Variants in TENM4 observed in about 807,000 individuals in gnomAD.
TENM4 encodes the protein teneurin transmembrane protein 4.
TENM4 carries 82 observed loss-of-function variants against 243.3 expected under a neutral mutation model. That is an observed-to-expected ratio of 0.34 (90% CI 0.28 to 0.40). TENM4 has a LOEUF of 0.40. Ranked by LOEUF, TENM4 falls within the 10% of genes least tolerant of loss-of-function variation. TENM4 has a pLI of 1.00. For synonymous variants in TENM4, 1,412 were observed against 1,456.3 expected, an observed-to-expected ratio of 0.97 and a Z score of 0.69; for missense variants, 3,138 against 3,673.3, an observed-to-expected ratio of 0.85 and a Z score of 3.77.
At chr11:78,936,423 C>A (rs913848869) in intron 6 of TENM4, among the ~76,000 whole-genome samples, 1 of 152,212 alleles carries the variant, frequency 6.6e-6, no homozygotes, top group Non-Finnish European at 1.5e-5. Context: ...GTGCAATTAA[C>A]TCCTTAACTA....
At chr11:79,006,013 A>C (rs957245276) in intron 6 of TENM4, among the ~76,000 whole-genome samples, 2 of 152,208 alleles carry the variant, frequency 1.3e-5, no homozygotes, top group Non-Finnish European at 2.9e-5. Flanking sequence ...TTTTTTCACC[A>C]CAACAGAATT....
At chr11:79,422,508 A>G (rs1858956452) in intron 1 of TENM4, among the ~76,000 whole-genome samples, 2 of 152,108 alleles carry the variant, frequency 1.3e-5, no homozygotes, top group Admixed American at 6.5e-5. Flanking sequence ...GATACCTAAG[A>G]ATGTCATTCC....
intron 28 of TENM4, 69 bp downstream of exon 28, chr11:78,701,457 C>T: frequency 6.8e-7 from 1 of 1,472,022 alleles, no homozygotes; most frequent in Non-Finnish European, 9.1e-7. Context: ...AATACTCGAT[C>T]AATTTACCTC....
At chr11:79,113,509 T>C (rs1861553087) in intron 4 of TENM4, among the ~76,000 whole-genome samples, 1 of 151,848 alleles carries the variant, frequency 6.6e-6, no homozygotes, top group Non-Finnish European at 1.5e-5. Context: ...CACAACACTC[T>C]GTAATTACAA....
chr11:78,878,233 G>C (rs1035067373), intron 9 of TENM4, among the ~76,000 whole-genome samples: 1 of 151,954 alleles, frequency 6.6e-6, no homozygotes, highest in Non-Finnish European at 1.5e-5. Flanking sequence ...TTCTTTCCTT[G>C]AACAAACTTT....
intron 28 of TENM4, 49 bp from the exon 29 acceptor site, chr11:78,688,275 A>G: frequency 1.9e-6 from 3 of 1,569,458 alleles, no homozygotes; most frequent in Non-Finnish European, 2.6e-6. Context: ...ATGGTGCTCT[A>G]GCTGGAACTT....
At position 78,657,161 on chromosome 11, in the gene TENM4, C is replaced by G; in HGVS notation, c.*897G>C. 1 of 398,730 alleles carries G rather than the reference C, an allele frequency of 2.5e-6. No individual in the cohort carries two copies. Among genetic ancestry groups the G allele is most frequent in the Non-Finnish European group, 4.4e-6 (1 of 226,156 alleles). 24.7% of individuals were successfully genotyped at this position (398,730 alleles called of 1,614,324 possible). A position where few individuals can be genotyped will look rare whatever the true frequency, so the allele number is the denominator to read the frequency against. ...AGGCTTGCTGTGCAGTGCTCGTTCTCACATCTGGCTTTGGGAGAAAGGAGG... is the reference window on the plus strand; with the variant it reads ...AGGCTTGCTGTGCAGTGCTCGTTCTGACATCTGGCTTTGGGAGAAAGGAGG... On this transcript the variant is annotated 3_prime_UTR_variant, in exon 34 of 34. Coordinates refer to ENST00000278550, the MANE Select transcript of TENM4 (RefSeq NM_001098816.3).
intron 1 of TENM4, among the ~76,000 whole-genome samples, chr11:79,343,624 T>C (rs1014695693): frequency 2.6e-5 from 4 of 151,874 alleles, no homozygotes; most frequent in Non-Finnish European, 5.9e-5. Flanking sequence ...ATGCTTAATA[T>C]GGTCTAAAGA....
chr11:78,922,999 G>C (rs1480640621), intron 6 of TENM4, among the ~76,000 whole-genome samples: 1 of 152,082 alleles, frequency 6.6e-6, no homozygotes, highest in Non-Finnish European at 1.5e-5. Flanking sequence ...TTTTTTCCTG[G>C]AGTACCTCTC....
At chr11:78,980,878 A>G (rs1857777295) in intron 6 of TENM4, among the ~76,000 whole-genome samples, 1 of 152,130 alleles carries the variant, frequency 6.6e-6, no homozygotes, top group East Asian at 1.9e-4. Flanking sequence ...TTTAATTCCC[A>G]CAGAAACCTT....
chr11:79,037,569 G>A (rs1859419541), intron 6 of TENM4, among the ~76,000 whole-genome samples: 1 of 152,118 alleles, frequency 6.6e-6, no homozygotes, highest in South Asian at 2.1e-4. Context: ...ATTTTTTTAA[G>A]CTGTTGGTTA....
intron 1 of TENM4, among the ~76,000 whole-genome samples, chr11:79,380,050 G>A (rs1005307126): frequency 6.6e-6 from 1 of 152,164 alleles, no homozygotes; most frequent in Non-Finnish European, 1.5e-5. Flanking sequence ...GGCAGGGCTG[G>A]TGGGGCAGAG....
At chr11:79,138,754 A>G (rs1225020341) in intron 4 of TENM4, among the ~76,000 whole-genome samples, 2 of 112,444 alleles carry the variant, frequency 1.8e-5, no homozygotes, top group Non-Finnish European at 3.3e-5. Context: ...CATACATTAT[A>G]TTTATATAAA....
intron 1 of TENM4, among the ~76,000 whole-genome samples, chr11:79,333,208 T>C (rs1259114258): frequency 1.3e-5 from 2 of 151,730 alleles, no homozygotes; most frequent in Non-Finnish European, 2.9e-5. Context: ...ACAAGGTCTG[T>C]CAGATTTCAT....
Position 78,890,656 on chromosome 11 carries a change from C to T in TENM4, c.848+582G>A, listed in dbSNP as rs1855642441. Among the ~76,000 whole-genome samples, 4 of 152,220 alleles carry T rather than the reference C, an allele frequency of 2.6e-5. No individual in the cohort carries two copies. The South Asian group carries it at 8.3e-4, about 32-fold the overall frequency. On this transcript the variant is annotated intron_variant, in intron 8 of 33. Coordinates refer to ENST00000278550, the MANE Select transcript of TENM4 (RefSeq NM_001098816.3). ...CTCTGTCCAGAAGCCAGACTGCTGCCTCCCAAGTCCAAGGTGAAAGCTGTG... is the reference window on the plus strand; with the variant it reads ...CTCTGTCCAGAAGCCAGACTGCTGCTTCCCAAGTCCAAGGTGAAAGCTGTG...
chr11:79,236,354 C>T (rs138334765), intron 2 of TENM4, among the ~76,000 whole-genome samples: 11 of 152,292 alleles, frequency 7.2e-5, no homozygotes, highest in Non-Finnish European at 1.5e-4. Flanking sequence ...TCCTTGATGG[C>T]TAAGGATCAC....
intron 1 of TENM4, among the ~76,000 whole-genome samples, chr11:79,428,456 T>C (rs554252360): frequency 6.6e-6 from 1 of 152,214 alleles, no homozygotes; most frequent in Non-Finnish European, 1.5e-5. Flanking sequence ...AAGCATTTTA[T>C]AGGATGTGGA....
chr11:78,805,481 C>T lies in TENM4; in HGVS notation c.1990G>A (p.Asp664Asn), dbSNP rs1857371709. 2 of 1,578,554 alleles carry T rather than the reference C, an allele frequency of 1.3e-6. No homozygotes were observed. Residue 664 changes from aspartate to asparagine, a missense_variant, in exon 15 of 34, where the codon GAC becomes AAC. Physicochemically the swap from Asp to Asn is conservative, Grantham distance 23. Transcript: ENST00000278550. ...ACACCCCGGCCTGAACATGTGGGGT[C>T]CATGCAGTCCACTGTGAGATGGAGG... ...GESCEEVDCMDPTCSGRGVCV... is the reference protein window; with the variant it reads ...GESCEEVDCMNPTCSGRGVCV...
intron 6 of TENM4, among the ~76,000 whole-genome samples, chr11:78,999,243 G>T (rs180928269): frequency 9.8e-5 from 15 of 152,350 alleles, no homozygotes; most frequent in African/African-American, 2.9e-4. Flanking sequence ...GCTGGGCGGG[G>T]TGGCTCACGC....
Sources: gnomAD v4.1 joint callset for allele counts (sites outside exome capture counted in the v4.1 genomes callset) on GRCh38, gnomAD v4.1.1 for gene constraint, MANE v1.5 for transcripts, NCBI Gene and HGNC (gene_info 2026-07-23, HGNC 2026-07-21) for gene names.